The following ZNF280D variants were observed in gnomAD, a reference collection of about 807,000 sequenced individuals.
The protein encoded by ZNF280D is zinc finger protein 280D.
Under a neutral mutation model 94.7 loss-of-function variants are expected in ZNF280D, and 39 were observed. The observed-to-expected ratio is 0.41, with a 90% CI of 0.32 to 0.54. The LOEUF is 0.54. ZNF280D is among the 20% of genes least tolerant of loss of function. The probability of loss-of-function intolerance (pLI) is 0.22; values close to 1 mark genes in which losing one functional copy is unlikely to be tolerated. For synonymous variants in ZNF280D, 398 were observed against 377.6 expected, an observed-to-expected ratio of 1.05 and a Z score of -0.63; for missense variants, 1,090 against 1,149.3, an observed-to-expected ratio of 0.95 and a Z score of 0.75.
chr15:56,661,417 G>A (rs2053936544), intron 16 of ZNF280D, among the ~76,000 whole-genome samples: 1 of 152,106 alleles, frequency 6.6e-6, no homozygotes, highest in Admixed American at 6.6e-5. Flanking sequence ...TGGAAAAAAG[G>A]GGGAAAACTG....
intron 5 of ZNF280D, 24 bp from the exon 6 acceptor site, chr15:56,701,096 T>C: frequency 1.9e-6 from 3 of 1,612,890 alleles, no homozygotes; most frequent in Non-Finnish European, 2.5e-6. Flanking sequence ...TAACACAATA[T>C]ATGGAAATTA....
chr15:56,670,008 TA>T (rs1290503148), intron 13 of ZNF280D, among the ~76,000 whole-genome samples: 44 of 812 alleles, frequency 0.054, 14 homozygotes, highest in African/African-American at 0.079. Context: ...TATATATATA[TA>T]ATATATATAT....
intron 16 of ZNF280D, among the ~76,000 whole-genome samples, chr15:56,664,902 G>C (rs1226570752): frequency 1.3e-5 from 2 of 152,148 alleles, no homozygotes; most frequent in African/African-American, 4.8e-5. Flanking sequence ...ATGATCCTGA[G>C]AGTAAGGTTG....
chr15:56,687,036 T>C lies in ZNF280D; in HGVS notation c.780+2005A>G, dbSNP rs998356049. ...AAATAATGTAAAAATCACATTCTTT[T>C]CAAAATGAAAGTTATTATAACACTA... is the stretch of plus-strand genomic sequence containing the variant. On this transcript the variant is annotated intron_variant, in intron 9 of 21. Transcript: ENST00000267807. 3.3e-5 allele frequency among the ~76,000 whole-genome samples: 5 copies of C among 152,198 alleles called. No homozygotes were observed. The South Asian group carries it at 1.0e-3, about 32-fold the overall frequency.
chr15:56,694,338 C>A (rs558471282), intron 6 of ZNF280D, among the ~76,000 whole-genome samples: 47 of 130,354 alleles, frequency 3.6e-4, no homozygotes, highest in African/African-American at 1.3e-3. Flanking sequence ...CACACACACA[C>A]AAGTATACTC....
chr15:56,661,441 T>A (rs1180953981), intron 16 of ZNF280D, among the ~76,000 whole-genome samples: 1 of 152,162 alleles, frequency 6.6e-6, no homozygotes, highest in Non-Finnish European at 1.5e-5. Context: ...GCAGAAGACA[T>A]AATAGTCTAA....
At chr15:56,707,238 A>G in intron 2 of ZNF280D, 25 bp downstream of exon 2, 1 of 1,571,444 alleles carries the variant, frequency 6.4e-7, no homozygotes. Flanking sequence ...AAATTATTGG[A>G]TGTAAGGTTA....
intron 13 of ZNF280D, among the ~76,000 whole-genome samples, chr15:56,672,188 T>A (rs991847581): frequency 6.6e-6 from 1 of 152,148 alleles, no homozygotes; most frequent in African/African-American, 2.4e-5. Context: ...TTTTGCCTGA[T>A]TGCCCTGGCC....
intron 20 of ZNF280D, among the ~76,000 whole-genome samples, chr15:56,639,238 AAAAC>A (rs1269573084): frequency 2.6e-5 from 4 of 151,776 alleles, no homozygotes; most frequent in African/African-American, 9.7e-5. Context: ...TTGAAACAAA[AAAAC>A]AAAAAGATGA....
chr15:56,668,702 TA>T, intron 14 of ZNF280D, 120 bp downstream of exon 14: 1 of 955,280 alleles, frequency 1.0e-6, no homozygotes, highest in Non-Finnish European at 1.5e-6. Flanking sequence ...AATTAAAACC[TA>T]AAATTAGAGT....
At chr15:56,677,524 A>T (rs1371373422) in intron 12 of ZNF280D, 50 bp downstream of exon 12, 1 of 1,396,380 alleles carries the variant, frequency 7.2e-7, no homozygotes, top group African/African-American at 1.4e-5. Context: ...TTTATAACCA[A>T]AACAACAAAC....
At chr15:56,708,493 A>T (rs1381703474) in intron 1 of ZNF280D, among the ~76,000 whole-genome samples, 1 of 152,214 alleles carries the variant, frequency 6.6e-6, no homozygotes, top group Admixed American at 6.5e-5. Context: ...ATTCACAATT[A>T]CATATCCTAT....
rs1170426924 is a variant in ZNF280D at position 56,666,377 on chromosome 15, A to C, written c.1994+18T>G. The C allele has an allele frequency of 4.4e-6, 7 of 1,598,542 alleles. No individual in the cohort carries two copies. In the African/African-American group the frequency reaches 9.5e-5, roughly 22 times the overall value. ...ACTATAATTTTAATTGGCAATTTAC[A>C]CATTTAATTCATCTTACCTCATCAT... On this transcript the variant is annotated intron_variant, in intron 16 of 21. Transcript: ENST00000267807.
intron 1 of ZNF280D, among the ~76,000 whole-genome samples, chr15:56,722,871 A>C (rs1433164959): frequency 6.6e-5 from 10 of 151,890 alleles, no homozygotes; most frequent in African/African-American, 2.4e-4. Flanking sequence ...AATGTGGCAC[A>C]TATACACCAT....
chr15:56,663,334 A>C (rs1442976889), intron 16 of ZNF280D, among the ~76,000 whole-genome samples: 3 of 151,686 alleles, frequency 2.0e-5, no homozygotes, highest in Non-Finnish European at 4.4e-5. Context: ...GGAAGAAACT[A>C]TACTCTGTGG....
chr15:56,732,893 A>T (rs1041818761), intron 1 of ZNF280D: 1 of 152,184 alleles, frequency 6.6e-6, no homozygotes, highest in African/African-American at 2.4e-5. Context: ...AATAACGGGA[A>T]TTCTATGGCA....
intron 14 of ZNF280D, among the ~76,000 whole-genome samples, chr15:56,667,438 G>C (rs980236634): frequency 4.6e-5 from 7 of 151,990 alleles, no homozygotes; most frequent in Admixed American, 2.6e-4. Flanking sequence ...TCTTTCCAGG[G>C]GCTCAGTGCC....
chr15:56,673,786 C>T (rs1271496366), intron 13 of ZNF280D, among the ~76,000 whole-genome samples: 2 of 152,010 alleles, frequency 1.3e-5, no homozygotes, highest in African/African-American at 2.4e-5. Flanking sequence ...TATACACTCA[C>T]CTCACTGCCT....
chr15:56,717,314 T>C (rs1209381698), intron 1 of ZNF280D, among the ~76,000 whole-genome samples: 2 of 152,122 alleles, frequency 1.3e-5, no homozygotes, highest in African/African-American at 4.8e-5. Context: ...CTAGGTCAAG[T>C]TGAAAGGACT....
Sources: allele counts gnomAD v4.1 joint callset (sites outside exome capture counted in the v4.1 genomes callset), GRCh38; gene constraint gnomAD v4.1.1; transcripts MANE v1.5; gene names NCBI Gene and HGNC (gene_info 2026-07-23, HGNC 2026-07-21).